The following NUP153 variants were observed in gnomAD, a reference collection of about 807,000 sequenced individuals.
NUP153 encodes the protein nuclear pore complex protein Nup153.
A neutral mutation model predicts 134.6 loss-of-function variants in NUP153; 27 were observed. The ratio of observed to expected loss-of-function variants is 0.20; its 90% CI spans 0.15 to 0.28. The LOEUF (loss-of-function observed/expected upper bound fraction) is 0.28. NUP153 is among the 10% of genes least tolerant of loss of function. NUP153 has a pLI of 1.00. For missense variants in NUP153, 1,821 were observed against 1,731.3 expected (o/e 1.05, Z -0.92); for synonymous variants, 640 against 623.5 (o/e 1.03, Z -0.40).
chr6:17,695,990 C>CA (rs1455418481), intron 1 of NUP153, among the ~76,000 whole-genome samples: 10 of 151,352 alleles, frequency 6.6e-5, no homozygotes, highest in African/African-American at 2.4e-4. Flanking sequence ...GCCTGGGTGA[C>CA]AGAGTGAGAC....
chr6:17,661,019 G>A (rs1191918860), intron 11 of NUP153, among the ~76,000 whole-genome samples: 1 of 151,998 alleles, frequency 6.6e-6, no homozygotes. Flanking sequence ...AAACAGGCAA[G>A]CAAGAAGAAG....
At chr6:17,684,554 G>T (rs569466270) in intron 2 of NUP153, among the ~76,000 whole-genome samples, 1 of 152,278 alleles carries the variant, frequency 6.6e-6, no homozygotes, top group Non-Finnish European at 1.5e-5. Flanking sequence ...TGGCTGCTTT[G>T]CTTTCATATT....
At chr6:17,644,266 G>A (rs1766019373) in intron 14 of NUP153, among the ~76,000 whole-genome samples, 1 of 152,086 alleles carries the variant, frequency 6.6e-6, no homozygotes, top group African/African-American at 2.4e-5. Context: ...TTTTCGATAA[G>A]GTAATATCTC....
In NUP153 at chr6:17,632,633, T is replaced by C. The variant is rs376450981; in HGVS notation, c.2659+17A>G. On this transcript the variant is annotated intron_variant, in intron 17 of 21. Coordinates refer to ENST00000262077, the MANE Select transcript of NUP153 (RefSeq NM_005124.4). ...GGCGCTTTACCATCACCTTTATTTTTATTTTTTTGGCCTTACCTTTAAACC... is the reference window on the plus strand; with the variant it reads ...GGCGCTTTACCATCACCTTTATTTTCATTTTTTTGGCCTTACCTTTAAACC... 4.3e-5 allele frequency: 67 copies of C among 1,572,538 alleles called. No homozygotes were observed. In the African/African-American group the frequency reaches 5.3e-4, roughly 13 times the overall value.
At chr6:17,643,011 G>A (rs568743922) in intron 14 of NUP153, among the ~76,000 whole-genome samples, 1 of 152,304 alleles carries the variant, frequency 6.6e-6, no homozygotes, top group South Asian at 2.1e-4. Flanking sequence ...TTAGCTAGGG[G>A]GAAGGCAGAA....
chr6:17,665,445 A>G, intron 8 of NUP153, 60 bp from the exon 9 acceptor site: 1 of 1,363,742 alleles, frequency 7.3e-7, no homozygotes, highest in East Asian at 2.3e-5. Context: ...ATTCATATCT[A>G]AATTTTGACA....
chr6:17,632,671 C>T lies in NUP153; in HGVS notation c.2638G>A (p.Gly880Ser). The T allele has an allele frequency of 6.2e-7, 1 of 1,606,552 alleles. No homozygotes were observed. The highest frequency in any genetic ancestry group is 2.2e-5 in the East Asian group (1 of 44,710). The change falls in exon 17 of 22, where the codon GGC (glycine) becomes AGC (serine). Residue 880 changes from glycine (G) to serine (S), a missense_variant. Physicochemically the swap from Gly to Ser is moderately conservative, Grantham distance 56. Transcript: ENST00000262077. Reference sequence around the variant, plus strand: ...TTACCTTTAAACCCAGATTTTGTGCCTGGCTTTGCACTTTCACATGCCAAA... The same window carrying T: ...TTACCTTTAAACCCAGATTTTGTGCTTGGCTTTGCACTTTCACATGCCAAA... ...KCLACESAKPGTKSGFKGFDT... is the reference protein window; with the variant it reads ...KCLACESAKPSTKSGFKGFDT...
chr6:17,619,095 A>C (rs939262004), intron 20 of NUP153, among the ~76,000 whole-genome samples: 3 of 152,236 alleles, frequency 2.0e-5, no homozygotes, highest in African/African-American at 2.4e-5. Flanking sequence ...CAATGGAGGC[A>C]AAAGAGGAGA....
intron 11 of NUP153, among the ~76,000 whole-genome samples, chr6:17,652,548 A>G (rs551816890): frequency 1.3e-5 from 2 of 152,280 alleles, no homozygotes; most frequent in Non-Finnish European, 2.9e-5. Context: ...TAGGACACAA[A>G]GAAGAATAAA....
intron 14 of NUP153, among the ~76,000 whole-genome samples, chr6:17,645,611 T>G (rs1024354493): frequency 6.6e-6 from 1 of 152,088 alleles, no homozygotes; most frequent in Non-Finnish European, 1.5e-5. Flanking sequence ...CCTTCAATGA[T>G]GCTGATTTCT....
At chr6:17,677,791 G>A (rs935901042) in intron 2 of NUP153, among the ~76,000 whole-genome samples, 7 of 145,802 alleles carry the variant, frequency 4.8e-5, no homozygotes, top group Admixed American at 2.1e-4. Context: ...GTGCAGTGGC[G>A]CAATCTTCGC....
intron 13 of NUP153, among the ~76,000 whole-genome samples, chr6:17,646,797 C>CGGCACAATCTCGGCTCACTGCA (rs1204739862): frequency 6.6e-6 from 1 of 151,078 alleles, no homozygotes; most frequent in Non-Finnish European, 1.5e-5. Flanking sequence ...TGGAGTGCAA[C>CGGCACAATCTCGGCTCACTGCA]GGCACAATCT....
chr6:17,628,623 AAT>A lies in NUP153; in HGVS notation c.3544+30_3544+31del. On this transcript the variant is annotated intron_variant, in intron 18 of 21. Coordinates refer to ENST00000262077, the MANE Select transcript of NUP153 (RefSeq NM_005124.4). This position sits in a 1 kb window ranked among gnomAD's most constrained non-coding sequence, Gnocchi z 5.4. ...AACGACAACTTGTAAAAAAAAAAAT[AAT>A]AATAATAATAATAAAAAGTTAATAC... The A allele has an allele frequency of 1.6e-5, 18 of 1,092,228 alleles. No homozygotes were observed. Among genetic ancestry groups the A allele is most frequent in the Non-Finnish European group, 2.0e-5 (18 of 884,596 alleles). The allele number at this position is 1,092,228 out of a possible 1,614,324, so 67.7% of individuals were successfully genotyped here. A position where few individuals can be genotyped will look rare whatever the true frequency, so the allele number is the denominator to read the frequency against.
chr6:17,659,998 G>A (rs1767088669), intron 11 of NUP153, among the ~76,000 whole-genome samples: 1 of 152,104 alleles, frequency 6.6e-6, no homozygotes, highest in Non-Finnish European at 1.5e-5. Flanking sequence ...CAGCAATAGA[G>A]CCAAGTCTAC....
chr6:17,678,627 T>G (rs1378979922), intron 2 of NUP153, among the ~76,000 whole-genome samples: 1 of 152,144 alleles, frequency 6.6e-6, no homozygotes, highest in Non-Finnish European at 1.5e-5. Flanking sequence ...TTCTGTAGTG[T>G]TCTTCTATGT....
rs1373362556 is a variant in NUP153, at chr6:17,629,086, G to A, written c.3113C>T (p.Thr1038Ile). 1.2e-6 allele frequency: 2 copies of A among 1,614,206 alleles called. No individual in the cohort carries two copies. The highest frequency in any genetic ancestry group is 2.2e-5 in the East Asian group (1 of 44,888). The stretch of plus-strand genomic sequence containing the variant: ...GCTCTTGTTCTCAGAGGTCACTATG[G>A]TGTTAGCAGGAGCAGGGGTGGAGTT... ...VINSTPAPAN[T>I]IVTSENKSSF... Residue 1038 changes from threonine to isoleucine, a missense_variant, in exon 18 of 22, where the codon ACC becomes ATC. By Grantham distance (89) the Thr-to-Ile change is moderately conservative (BLOSUM62 -1). Coordinates refer to ENST00000262077, the MANE Select transcript of NUP153 (RefSeq NM_005124.4).
chr6:17,652,232 C>G (rs1369141077), intron 11 of NUP153, among the ~76,000 whole-genome samples: 1 of 151,458 alleles, frequency 6.6e-6, no homozygotes, highest in Non-Finnish European at 1.5e-5. Flanking sequence ...CTATACCCAA[C>G]AACTACAGAA....
Position 17,628,529 on chromosome 6 carries a change from CTG to C in NUP153, c.3544+124_3544+125del. 9.0e-6 allele frequency: 4 copies of C among 443,484 alleles called. No homozygotes were observed. Among genetic ancestry groups the C allele is most frequent in the Non-Finnish European group, 1.4e-5 (4 of 280,092 alleles). 27.5% of individuals were successfully genotyped at this position (443,484 alleles called of 1,614,324 possible). Reference sequence around the variant, plus strand: ...ATCCTAGGTTCCTTCCCAAAGAGTTCTGTATTTCTCAACTATGTTCAGTGTAA... The same window carrying C: ...ATCCTAGGTTCCTTCCCAAAGAGTTCTATTTCTCAACTATGTTCAGTGTAA... On this transcript the variant is annotated intron_variant, in intron 18 of 21. Transcript: ENST00000262077. This position sits in a 1 kb window ranked among gnomAD's most constrained non-coding sequence, Gnocchi z 5.4.
chr6:17,688,741 G>GT (rs898839214), intron 1 of NUP153, 123 bp from the exon 2 acceptor site: 1 of 646,556 alleles, frequency 1.5e-6, no homozygotes, highest in African/African-American at 1.8e-5. Flanking sequence ...CCAAAATTCA[G>GT]TTACTACAGT....
Sources: allele counts gnomAD v4.1 joint callset (sites outside exome capture counted in the v4.1 genomes callset), GRCh38; gene constraint gnomAD v4.1.1; non-coding constraint Gnocchi (gnomAD v3.1); transcripts MANE v1.5; gene names NCBI Gene and HGNC (gene_info 2026-07-23, HGNC 2026-07-21).